Variants in SLC30A8 observed in about 807,000 individuals in gnomAD.
SLC30A8 encodes proton-coupled zinc antiporter SLC30A8.
In SLC30A8, 27 loss-of-function variants were observed where a neutral mutation model predicts 36.9. The ratio of observed to expected loss-of-function variants is 0.73; its 90% confidence interval spans 0.54 to 1.01. The LOEUF (loss-of-function observed/expected upper bound fraction) is 1.01, where lower values mean the gene tolerates loss of function less well. Ranked by LOEUF, SLC30A8 falls within the 50% of genes least tolerant of loss-of-function variation. SLC30A8 has a pLI of 0.00. For synonymous variants in SLC30A8, 164 were observed against 172.4 expected (o/e 0.95, Z 0.38); for missense variants, 439 against 452.0 (o/e 0.97, Z 0.26).
rs1819299009 is a variant in SLC30A8 at position 117,095,060 on chromosome 8, C to A, written c.-225-40220C>A. Among the ~76,000 whole-genome samples, 3 of 152,308 alleles carry A rather than the reference C, an allele frequency of 2.0e-5. No individual in the cohort carries two copies. In the South Asian group the frequency reaches 6.2e-4, roughly 32 times the overall value. ...CTCTGAGCCTTGGGGGCAGGTGGGGCCTTCCCAGGCCCCTAAGAGTGCAGA... is the reference window on the plus strand; with the variant it reads ...CTCTGAGCCTTGGGGGCAGGTGGGGACTTCCCAGGCCCCTAAGAGTGCAGA... On this transcript the variant is annotated intron_variant, in intron 2 of 10. Transcript: ENST00000427715.
chr8:117,022,743 C>A (rs140387577), intron 1 of SLC30A8, among the ~76,000 whole-genome samples: 4 of 152,182 alleles, frequency 2.6e-5, no homozygotes, highest in African/African-American at 9.7e-5. Context: ...GGATCAAAGA[C>A]TTAAATGTTA....
At chr8:117,145,352 C>T (rs1290906854) in intron 1 of SLC30A8, among the ~76,000 whole-genome samples, 3 of 151,682 alleles carry the variant, frequency 2.0e-5, no homozygotes, top group Non-Finnish European at 4.4e-5. Context: ...ATTTTTCCCT[C>T]TACTTTGTGA....
At chr8:117,133,258 C>A (rs547311040), upstream of SLC30A8, among the ~76,000 whole-genome samples, 3 of 152,022 alleles carry the variant, frequency 2.0e-5, no homozygotes, top group East Asian at 5.8e-4. Context: ...TTGGGTCTCT[C>A]ATTGTCTCTT....
At chr8:116,996,453 G>A (rs137863714) in intron 1 of SLC30A8, among the ~76,000 whole-genome samples, 56 of 152,256 alleles carry the variant, frequency 3.7e-4, no homozygotes, top group African/African-American at 1.3e-3. Flanking sequence ...GGCTAATCAA[G>A]CTAATTAACA....
chr8:116,995,000 CTG>C (rs1405157335), intron 1 of SLC30A8, among the ~76,000 whole-genome samples: 1 of 152,040 alleles, frequency 6.6e-6, no homozygotes, highest in Non-Finnish European at 1.5e-5. Context: ...TCACTTGTGA[CTG>C]TGTGTTCACA....
chr8:117,002,083 T>G (rs1563742544), intron 1 of SLC30A8, among the ~76,000 whole-genome samples: 3 of 152,212 alleles, frequency 2.0e-5, no homozygotes, highest in Admixed American at 6.5e-5. Context: ...AAGTCCTTGC[T>G]TCTGTCACTG....
At chr8:117,070,929 C>T (rs779166950) in intron 2 of SLC30A8, among the ~76,000 whole-genome samples, 21 of 151,970 alleles carry the variant, frequency 1.4e-4, no homozygotes, top group Non-Finnish European at 3.1e-4. Flanking sequence ...ATCACTTTTT[C>T]TTTATCATTT....
At chr8:117,140,363 G>A (rs1049138014) in intron 1 of SLC30A8, among the ~76,000 whole-genome samples, 7 of 151,970 alleles carry the variant, frequency 4.6e-5, no homozygotes, top group Non-Finnish European at 7.4e-5. Context: ...AACTTCTGAA[G>A]TTTGTTGAAT....
chr8:116,981,831 G>T (rs1442033911), intron 1 of SLC30A8, among the ~76,000 whole-genome samples: 2 of 152,104 alleles, frequency 1.3e-5, no homozygotes, highest in Non-Finnish European at 2.9e-5. Context: ...TGGGCATTTA[G>T]GTTGATTCTG....
At chr8:116,950,835 T>G (rs1389043813), upstream of SLC30A8, 1 of 152,242 alleles carries the variant, frequency 6.6e-6, no homozygotes, top group Non-Finnish European at 1.5e-5. Flanking sequence ...GTTTACCAGG[T>G]ACCTTACAGT....
chr8:117,031,782 C>T (rs979686762), intron 1 of SLC30A8, among the ~76,000 whole-genome samples: 3 of 152,074 alleles, frequency 2.0e-5, no homozygotes, highest in African/African-American at 7.2e-5. Context: ...CTTAATAATG[C>T]CCCCAGAAGT....
chr8:117,146,272 T>TA (rs2130963530), intron 1 of SLC30A8, among the ~76,000 whole-genome samples: 1 of 152,098 alleles, frequency 6.6e-6, no homozygotes, highest in Admixed American at 6.5e-5. Flanking sequence ...AAAATTGTTT[T>TA]AAAAAAAGAA....
At chr8:117,121,062 C>T (rs1243295752) in intron 2 of SLC30A8, among the ~76,000 whole-genome samples, 1 of 151,650 alleles carries the variant, frequency 6.6e-6, no homozygotes, top group Non-Finnish European at 1.5e-5. Flanking sequence ...AATGTTGCAG[C>T]CACTATGGAA....
At chr8:117,031,323 T>C (rs1817036585) in intron 1 of SLC30A8, among the ~76,000 whole-genome samples, 1 of 152,208 alleles carries the variant, frequency 6.6e-6, no homozygotes. Context: ...CAGTAATCAC[T>C]CAGGGCTGTT....
At chr8:116,987,959 A>T (rs1202262652) in intron 1 of SLC30A8, among the ~76,000 whole-genome samples, 3 of 152,206 alleles carry the variant, frequency 2.0e-5, no homozygotes, top group African/African-American at 7.2e-5. Flanking sequence ...TTGGCCTCCC[A>T]AAGTGCTGGG....
At chr8:117,151,047 C>CCAGG (rs1444958755) in intron 2 of SLC30A8, among the ~76,000 whole-genome samples, 2 of 152,148 alleles carry the variant, frequency 1.3e-5, no homozygotes, top group African/African-American at 4.8e-5. Flanking sequence ...ACCTGCCTTC[C>CCAGG]CAGGCTCATT....
intron 2 of SLC30A8, among the ~76,000 whole-genome samples, chr8:117,126,394 C>T (rs184038593): frequency 5.9e-5 from 9 of 151,382 alleles, no homozygotes; most frequent in Admixed American, 4.6e-4. Flanking sequence ...ATCATTTATC[C>T]CCATTTTATA....
At position 116,980,628 on chromosome 8, in the gene SLC30A8, G is replaced by A. The variant is rs149680851; in HGVS notation, c.-266+29509G>A. Among the ~76,000 whole-genome samples, 6 of 152,272 alleles carry A rather than the reference G, an allele frequency of 3.9e-5. No individual in the cohort carries two copies. In the East Asian group the frequency reaches 1.2e-3, roughly 29 times the overall value. ...AAGGACAACTGTGAGTTATTTATCA[G>A]CCAACACACACAGCAACTGGAAGAT... is the stretch of plus-strand genomic sequence containing the variant. On this transcript the variant is annotated intron_variant, in intron 1 of 10. Transcript: ENST00000427715.
chr8:117,142,763 C>G (rs1393388610), intron 1 of SLC30A8, among the ~76,000 whole-genome samples: 1 of 144,434 alleles, frequency 6.9e-6, no homozygotes, highest in African/African-American at 2.5e-5. Flanking sequence ...TTCATCTTCC[C>G]TTGCCTTCTC....
Sources: gnomAD v4.1 joint callset for allele counts (sites outside exome capture counted in the v4.1 genomes callset) on GRCh38, gnomAD v4.1.1 for gene constraint, MANE v1.5 for transcripts, NCBI Gene and HGNC (gene_info 2026-07-23, HGNC 2026-07-21) for gene names.